The following NECTIN3 variants were observed in gnomAD, a reference collection of about 807,000 sequenced individuals.
The protein encoded by NECTIN3 is nectin cell adhesion molecule 3.
A neutral mutation model predicts 49.4 loss-of-function variants in NECTIN3; 8 were observed. The ratio of observed to expected loss-of-function variants is 0.16; its 90% CI spans 0.10 to 0.29. The LOEUF is 0.29. Among genes scored for constraint, NECTIN3 ranks in the 10% least tolerant of loss-of-function variants. NECTIN3 has a pLI of 1.00. For missense variants in NECTIN3, 581 were observed against 654.6 expected (o/e 0.89, Z 1.23); for synonymous variants, 277 against 241.1 (o/e 1.15, Z -1.38).
intron 5 of NECTIN3, among the ~76,000 whole-genome samples, chr3:111,127,929 G>C (rs2107482318): frequency 6.6e-6 from 1 of 152,268 alleles, no homozygotes; most frequent in East Asian, 1.9e-4. Flanking sequence ...GAATAAGCCA[G>C]GGAAATGCAT....
intron 7 of NECTIN3, among the ~76,000 whole-genome samples, chr3:111,150,024 A>C (rs1020315963): frequency 3.3e-5 from 5 of 152,140 alleles, no homozygotes; most frequent in East Asian, 1.9e-4. Flanking sequence ...GAAAACATAT[A>C]TAGTATTTTG....
At chr3:111,117,782 A>T (rs537979377) in intron 2 of NECTIN3, among the ~76,000 whole-genome samples, 49 of 152,086 alleles carry the variant, frequency 3.2e-4, no homozygotes, top group Non-Finnish European at 5.9e-4. Flanking sequence ...GTCAGTACTG[A>T]GGAATTACAC....
chr3:111,105,361 G>A (rs1475024640), intron 1 of NECTIN3, among the ~76,000 whole-genome samples: 1 of 151,724 alleles, frequency 6.6e-6, no homozygotes, highest in Non-Finnish European at 1.5e-5. Context: ...TTAAATTCCT[G>A]ACCTCAAGCA....
chr3:111,134,330 G>A lies in NECTIN3; in HGVS notation c.*115G>A, dbSNP rs2034502452. On this transcript the variant is annotated 3_prime_UTR_variant, in exon 6 of 6. Coordinates refer to ENST00000485303, the MANE Select transcript of NECTIN3 (RefSeq NM_015480.3). ...TAAGCTTTTTCAAGTTGATTTTCAAGCTTACTTTTTATATTCTAATCTGAC... is the reference window on the plus strand; with the variant it reads ...TAAGCTTTTTCAAGTTGATTTTCAAACTTACTTTTTATATTCTAATCTGAC... The A allele has an allele frequency of 2.1e-6, 3 of 1,440,442 alleles. No individual in the cohort carries two copies. The highest frequency in any genetic ancestry group is 2.9e-5 in the Admixed American group (1 of 34,466). 89.2% of individuals were successfully genotyped at this position (1,440,442 alleles called of 1,614,324 possible). A position where few individuals can be genotyped will look rare whatever the true frequency, so the allele number is the denominator to read the frequency against.
At position 111,137,351 on chromosome 3, in the gene NECTIN3, G is replaced by A. The variant is rs77270707; in HGVS notation, c.*3136G>A. 10,577 of 970,322 alleles carry A rather than the reference G, an allele frequency of 0.011. 56 individuals are homozygous for A. Among genetic ancestry groups the A allele is most frequent in the Non-Finnish European group, 0.012 (9,862 of 816,618 alleles). The allele number at this position is 970,322 out of a possible 1,614,324, so 60.1% of individuals were successfully genotyped here. ...TTAGAAAATGCATCCTTCATAAACA[G>A]CTCCTTTCTCAAATTTTTTGTATAT... On this transcript the variant is annotated 3_prime_UTR_variant, in exon 6 of 6. Coordinates refer to ENST00000485303, the MANE Select transcript of NECTIN3 (RefSeq NM_015480.3).
chr3:111,155,180 C>G (rs903742923), intron 7 of NECTIN3, among the ~76,000 whole-genome samples: 1 of 152,332 alleles, frequency 6.6e-6, no homozygotes, highest in African/African-American at 2.4e-5. Flanking sequence ...TCTTGATCCG[C>G]CTGCCTCGGC....
chr3:111,093,716 A>G (rs190910280), intron 1 of NECTIN3, among the ~76,000 whole-genome samples: 362 of 152,312 alleles, frequency 2.4e-3, no homozygotes, highest in African/African-American at 8.3e-3. Flanking sequence ...GATTACAGGC[A>G]TGAGCCACCG....
chr3:111,101,470 G>T (rs763277104), intron 1 of NECTIN3, among the ~76,000 whole-genome samples: 1 of 152,062 alleles, frequency 6.6e-6, no homozygotes, highest in Non-Finnish European at 1.5e-5. Context: ...TATTGGTTAC[G>T]TGTAAGTTAT....
intron 1 of NECTIN3, 44 bp downstream of exon 1, chr3:111,072,221 C>G (rs1412860619): frequency 2.0e-6 from 3 of 1,515,998 alleles, no homozygotes; most frequent in Non-Finnish European, 2.6e-6. Context: ...GGAGCCGCCA[C>G]TGAGGGTGCG....
Position 111,182,930 on chromosome 3 carries a change from C to T in NECTIN3, c.1222-9421C>T, listed in dbSNP as rs550978142. ...GATCTTTGTCCTTTTTTTCACTTTTCCTGCCTTCTTTTAAATTAGCTGAGT... is the reference window on the plus strand; with the variant it reads ...GATCTTTGTCCTTTTTTTCACTTTTTCTGCCTTCTTTTAAATTAGCTGAGT... On this transcript the variant is annotated intron_variant, in intron 7 of 8. Transcript: ENST00000493615. Among the ~76,000 whole-genome samples the T allele has an allele frequency of 5.3e-5, 8 of 151,814 alleles. 1 individual carries two copies. The highest frequency in any genetic ancestry group is 1.9e-4 in the African/African-American group (8 of 41,452).
chr3:111,168,396 A>G (rs2035362410), intron 7 of NECTIN3, among the ~76,000 whole-genome samples: 2 of 152,180 alleles, frequency 1.3e-5, no homozygotes, highest in Non-Finnish European at 2.9e-5. Context: ...GTTCATACAC[A>G]CATACATACA....
chr3:111,116,046 A>C (rs2033678902), intron 2 of NECTIN3, among the ~76,000 whole-genome samples: 1 of 152,172 alleles, frequency 6.6e-6, no homozygotes, highest in Non-Finnish European at 1.5e-5. Context: ...TAGAAGCTGA[A>C]GCATCAAGCC....
intron 1 of NECTIN3, among the ~76,000 whole-genome samples, chr3:111,091,094 A>G (rs573665584): frequency 2.0e-5 from 3 of 152,086 alleles, no homozygotes; most frequent in African/African-American, 4.8e-5. Flanking sequence ...ACTGTAGTCA[A>G]TGTTACTATT....
At chr3:111,079,480 A>G (rs1335195742) in intron 1 of NECTIN3, among the ~76,000 whole-genome samples, 1 of 151,974 alleles carries the variant, frequency 6.6e-6, no homozygotes, top group Non-Finnish European at 1.5e-5. Context: ...ATTTAATACT[A>G]AGCCTGACAA....
intron 1 of NECTIN3, among the ~76,000 whole-genome samples, chr3:111,103,439 A>C (rs1407874946): frequency 1.3e-5 from 2 of 151,156 alleles, no homozygotes; most frequent in African/African-American, 4.8e-5. Flanking sequence ...ACTGATACGT[A>C]AGAAAGTGAT....
chr3:111,177,028 T>C (rs1056339778), intron 7 of NECTIN3, among the ~76,000 whole-genome samples: 1 of 152,172 alleles, frequency 6.6e-6, no homozygotes, highest in African/African-American at 2.4e-5. Flanking sequence ...TTTTTACTCT[T>C]ATTTTTGCAA....
intron 1 of NECTIN3, among the ~76,000 whole-genome samples, chr3:111,106,889 G>A (rs1321039607): frequency 2.4e-5 from 2 of 84,582 alleles, no homozygotes; most frequent in African/African-American, 9.2e-5. Flanking sequence ...AAGATCCTGG[G>A]AACTGAAATG....
chr3:111,154,582 G>C (rs946455677), intron 7 of NECTIN3, among the ~76,000 whole-genome samples: 18 of 152,098 alleles, frequency 1.2e-4, no homozygotes, highest in African/African-American at 4.1e-4. Flanking sequence ...GCCAAACTGT[G>C]ATCCTAAATG....
At chr3:111,141,072 G>A (rs1002156412), downstream of NECTIN3, among the ~76,000 whole-genome samples, 1 of 151,842 alleles carries the variant, frequency 6.6e-6, no homozygotes, top group South Asian at 2.1e-4. Context: ...GGTGCTTGGG[G>A]TAATTTTTTG....
Sources: gnomAD v4.1 joint callset for allele counts (sites outside exome capture counted in the v4.1 genomes callset) on GRCh38, gnomAD v4.1.1 for gene constraint, MANE v1.5 for transcripts, NCBI Gene and HGNC (gene_info 2026-07-23, HGNC 2026-07-21) for gene names.